The following DCDC2 variants were observed in gnomAD, a reference collection of about 807,000 sequenced individuals.
The protein encoded by DCDC2 is doublecortin domain containing 2, also known as doublecortin domain-containing protein 2.
In DCDC2, 40 loss-of-function variants were observed where a neutral mutation model predicts 50.2. That is an observed-to-expected ratio of 0.80 (90% CI 0.62 to 1.04). DCDC2 has a LOEUF of 1.04. DCDC2 is among the 50% of genes least tolerant of loss of function. The probability of loss-of-function intolerance (pLI) is 0.00; values close to 1 mark genes in which losing one functional copy is unlikely to be tolerated. For missense variants in DCDC2, 570 were observed against 581.9 expected, an observed-to-expected ratio of 0.98 and a Z score of 0.21; for synonymous variants, 234 against 210.6, an observed-to-expected ratio of 1.11 and a Z score of -0.96.
At chr6:24,375,384 T>G in the DCDC2 span, among the ~76,000 whole-genome samples, 1 of 151,010 alleles carries the variant, frequency 6.6e-6, no homozygotes, top group African/African-American at 2.4e-5. Flanking sequence ...TCTGGGTAAG[T>G]GGAACAAGTC....
intron 6 of DCDC2, among the ~76,000 whole-genome samples, chr6:24,283,627 G>A (rs949037487): frequency 2.0e-5 from 3 of 152,182 alleles, no homozygotes; most frequent in Admixed American, 6.5e-5. Context: ...CAGAAGCTAA[G>A]CTCTCCCCAC....
At position 24,290,944 on chromosome 6, in the gene DCDC2, C is replaced by G. The variant is rs1469681165; in HGVS notation, c.692G>C (p.Arg231Thr). Residue 231 changes from arginine (R) to threonine (T), a missense_variant, in exon 5 of 10, where the codon AGA (arginine) becomes ACA (threonine). Arg to Thr is a moderately conservative substitution (Grantham distance 71). Transcript: ENST00000378454. ...SELLFDKSTM[R>T]RPFGQKASSL... ...GAGTAAGACTTACCCAAAAGGCCTTCTCATCGTTGACTTGTCAAAAAGTAA... is the reference window on the plus strand; with the variant it reads ...GAGTAAGACTTACCCAAAAGGCCTTGTCATCGTTGACTTGTCAAAAAGTAA... 6.2e-7 allele frequency: 1 copy of G among 1,613,398 alleles called. No individual in the cohort carries two copies. Among genetic ancestry groups the G allele is most frequent in the African/African-American group, 1.3e-5 (1 of 74,896 alleles).
intron 8 of DCDC2, among the ~76,000 whole-genome samples, chr6:24,196,385 T>C (rs1341989872): frequency 6.6e-6 from 1 of 152,190 alleles, no homozygotes; most frequent in Non-Finnish European, 1.5e-5. Flanking sequence ...GATAGGTAGA[T>C]AGATAAGTAG....
At chr6:24,187,956 T>C (rs1364248614) in intron 8 of DCDC2, among the ~76,000 whole-genome samples, 1 of 152,234 alleles carries the variant, frequency 6.6e-6, no homozygotes, top group Non-Finnish European at 1.5e-5. Flanking sequence ...TCCAAAATTC[T>C]CCAAGTAGTG....
intron 7 of DCDC2, among the ~76,000 whole-genome samples, chr6:24,265,349 T>C (rs949089170): frequency 2.0e-5 from 3 of 152,158 alleles, no homozygotes; most frequent in Admixed American, 6.5e-5. Flanking sequence ...ACTTTCATTA[T>C]TGGACATATC....
At chr6:24,288,210 G>T (rs1763656618) in intron 6 of DCDC2, among the ~76,000 whole-genome samples, 1 of 152,194 alleles carries the variant, frequency 6.6e-6, no homozygotes, top group African/African-American at 2.4e-5. Context: ...CAACCAAAAG[G>T]GAAGAAAGAG....
intron 8 of DCDC2, among the ~76,000 whole-genome samples, chr6:24,199,304 C>T (rs2046076236): frequency 6.6e-6 from 1 of 152,180 alleles, no homozygotes; most frequent in Non-Finnish European, 1.5e-5. Context: ...ACAAAGCTTC[C>T]AGAGGAAGGA....
intron 7 of DCDC2, among the ~76,000 whole-genome samples, chr6:24,254,396 A>T (rs1762851850): frequency 6.6e-6 from 1 of 152,170 alleles, no homozygotes; most frequent in Non-Finnish European, 1.5e-5. Flanking sequence ...AGCACAATAA[A>T]TTTGTTTATT....
At chr6:24,196,094 C>A (rs945468922) in intron 8 of DCDC2, among the ~76,000 whole-genome samples, 1 of 152,186 alleles carries the variant, frequency 6.6e-6, no homozygotes, top group African/African-American at 2.4e-5. Flanking sequence ...AGTCCAAAGA[C>A]ATTAACTAGC....
chr6:24,315,457 C>T (rs1759643806), intron 2 of DCDC2, among the ~76,000 whole-genome samples: 2 of 152,154 alleles, frequency 1.3e-5, no homozygotes, highest in South Asian at 4.1e-4. Context: ...CTATGTACCT[C>T]CTAGTTTATT....
chr6:24,339,934 A>G (rs567953853), intron 2 of DCDC2, among the ~76,000 whole-genome samples: 1 of 152,356 alleles, frequency 6.6e-6, no homozygotes, highest in East Asian at 1.9e-4. Flanking sequence ...AAAGAGATGG[A>G]AAATTATCAT....
chr6:24,357,693 G>GCC lies in DCDC2; in HGVS notation c.57_58insGG (p.Leu20GlyfsTer30). On this transcript the variant is annotated frameshift_variant, in exon 1 of 10. Coordinates refer to ENST00000378454, the MANE Select transcript of DCDC2 (RefSeq NM_016356.5). LOFTEE classifies it high-confidence loss of function. ...AAGGGGTCCCCGTTGCGGTACACAA[G>GCC]CACGCTCTTCACGACGGGCTGAGAC... 6.2e-7 allele frequency: 1 copy of GCC among 1,613,406 alleles called. No individual in the cohort carries two copies. The highest frequency in any genetic ancestry group is 8.5e-7 in the Non-Finnish European group (1 of 1,180,016).
chr6:24,316,905 A>G (rs1759677584), intron 2 of DCDC2, among the ~76,000 whole-genome samples: 1 of 151,850 alleles, frequency 6.6e-6, no homozygotes, highest in African/African-American at 2.4e-5. Context: ...GGAAAACAAT[A>G]TAAGAGAAAA....
chr6:24,278,552 C>T (rs1763408591), intron 6 of DCDC2, among the ~76,000 whole-genome samples: 1 of 152,156 alleles, frequency 6.6e-6, no homozygotes, highest in African/African-American at 2.4e-5. Flanking sequence ...ATTACCACGT[C>T]ACTGTAGAGA....
rs190440830 is a variant in DCDC2, at chr6:24,236,709, C to T, written c.923-31607G>A. Among the ~76,000 whole-genome samples the T allele has an allele frequency of 3.9e-5, 6 of 152,136 alleles. No individual in the cohort carries two copies. In the East Asian group the frequency reaches 7.7e-4, roughly 20 times the overall value. On this transcript the variant is annotated intron_variant, in intron 7 of 9. Coordinates refer to ENST00000378454, the MANE Select transcript of DCDC2 (RefSeq NM_016356.5). ...AACAAGAAAAAAAAACAAACAACCC[C>T]ATTAAGAAGTGGACAAAAGGCCAAG... is the stretch of plus-strand genomic sequence containing the variant.
In DCDC2 at chr6:24,191,193, T is replaced by A. The variant is rs535250583; in HGVS notation, c.1024-12561A>T. Among the ~76,000 whole-genome samples, 3 of 152,336 alleles carry A rather than the reference T, an allele frequency of 2.0e-5. No individual in the cohort carries two copies. In the East Asian group the frequency reaches 5.8e-4, roughly 29 times the overall value. ...GTCACAGAAAACAGCCTCCTTTATCTTTCCGCATATTTTATCGTATATGGA... is the reference window on the plus strand; with the variant it reads ...GTCACAGAAAACAGCCTCCTTTATCATTCCGCATATTTTATCGTATATGGA... On this transcript the variant is annotated intron_variant, in intron 8 of 9. Transcript: ENST00000378454.
chr6:24,359,620 G>C (rs1055322522), upstream of DCDC2, among the ~76,000 whole-genome samples: 1 of 135,462 alleles, frequency 7.4e-6, no homozygotes, highest in Admixed American at 8.2e-5. Context: ...AGAGAATCCG[G>C]GTACCGTGAC....
Position 24,346,061 on chromosome 6 carries a change from C to G in DCDC2, c.348+7508G>C, listed in dbSNP as rs202103546. On this transcript the variant is annotated intron_variant, in intron 2 of 9. Transcript: ENST00000378454. ...AGGCGTGGTGGCACACACTTGTAGT[C>G]CCAGCTACTCAGGAGGCTGAGGCAT... Among the ~76,000 whole-genome samples the G allele has an allele frequency of 1.1e-4, 16 of 151,504 alleles. No homozygotes were observed. In the East Asian group the frequency reaches 3.1e-3, roughly 30 times the overall value.
chr6:24,297,444 G>A (rs1309137449), intron 4 of DCDC2, among the ~76,000 whole-genome samples: 1 of 152,078 alleles, frequency 6.6e-6, no homozygotes, highest in South Asian at 2.1e-4. Flanking sequence ...ACCTGCACAT[G>A]TACCCGTGAA....
Sources: allele counts gnomAD v4.1 joint callset (sites outside exome capture counted in the v4.1 genomes callset), GRCh38; gene constraint gnomAD v4.1.1; transcripts MANE v1.5; gene names NCBI Gene and HGNC (gene_info 2026-07-23, HGNC 2026-07-21).